MACROD2: variants seen among roughly 807,000 people sequenced by gnomAD.
The protein encoded by MACROD2 is mono-ADP ribosylhydrolase 2.
In MACROD2, 36 loss-of-function variants were observed where a neutral mutation model predicts 70.4. The ratio of observed to expected loss-of-function variants is 0.51; its 90% CI spans 0.39 to 0.68. The LOEUF (loss-of-function observed/expected upper bound fraction) is 0.68, where lower values mean the gene tolerates loss of function less well. Among genes scored for constraint, MACROD2 ranks in the 30% least tolerant of loss-of-function variants. The pLI, the probability that MACROD2 is intolerant of heterozygous loss-of-function variation, is 0.00. For missense variants in MACROD2, 496 were observed against 538.4 expected (o/e 0.92, Z 0.78); for synonymous variants, 172 against 178.8 (o/e 0.96, Z 0.30).
chr20:15,396,805 T>C (rs1324304486), intron 6 of MACROD2, among the ~76,000 whole-genome samples: 1 of 152,200 alleles, frequency 6.6e-6, no homozygotes, highest in African/African-American at 2.4e-5. Flanking sequence ...GACTTTGCTC[T>C]TTTATGCTCC....
chr20:14,238,860 C>G (rs1160425307), intron 3 of MACROD2, among the ~76,000 whole-genome samples: 1 of 151,848 alleles, frequency 6.6e-6, no homozygotes, highest in Non-Finnish European at 1.5e-5. Context: ...AACCTCGTCT[C>G]TAATAAAAAT....
At chr20:15,047,415 A>G (rs901514245) in intron 5 of MACROD2, among the ~76,000 whole-genome samples, 2 of 152,218 alleles carry the variant, frequency 1.3e-5, no homozygotes, top group Admixed American at 1.3e-4. Context: ...CAATGTAAGT[A>G]AGAATGAAAA....
intron 8 of MACROD2, among the ~76,000 whole-genome samples, chr20:15,780,462 G>A (rs532039084): frequency 1.1e-4 from 17 of 152,160 alleles, no homozygotes; most frequent in African/African-American, 1.7e-4. Context: ...AGTGGGGAAC[G>A]GGAAGAGGCC....
intron 15 of MACROD2, among the ~76,000 whole-genome samples, chr20:16,038,461 C>CTA (rs2067263530): frequency 6.6e-6 from 1 of 151,406 alleles, no homozygotes; most frequent in Non-Finnish European, 1.5e-5. Context: ...TTTTGGCTTA[C>CTA]TAATCACCTC....
chr20:14,098,673 CTG>C (rs949314696), intron 3 of MACROD2, among the ~76,000 whole-genome samples: 6 of 152,144 alleles, frequency 3.9e-5, no homozygotes, highest in Middle Eastern at 3.4e-3. Flanking sequence ...TTCAGTAAAA[CTG>C]AAATGAAATA....
At chr20:15,241,824 C>G (rs1204227200) in intron 6 of MACROD2, among the ~76,000 whole-genome samples, 1 of 148,486 alleles carries the variant, frequency 6.7e-6, no homozygotes, top group East Asian at 2.0e-4. Context: ...ATTCCTTGGG[C>G]TATTTGGCTA....
chr20:15,414,583 T>G (rs1391101261), intron 6 of MACROD2, among the ~76,000 whole-genome samples: 1 of 152,156 alleles, frequency 6.6e-6, no homozygotes, highest in African/African-American at 2.4e-5. Context: ...AGTTAGGTAT[T>G]TAAAAAGGGC....
chr20:14,333,846 C>A (rs1349315569), intron 3 of MACROD2, among the ~76,000 whole-genome samples: 2 of 152,186 alleles, frequency 1.3e-5, no homozygotes, highest in Non-Finnish European at 2.9e-5. Context: ...AACACATAAA[C>A]TGATCAATCC....
intron 9 of MACROD2, among the ~76,000 whole-genome samples, chr20:15,877,479 A>G (rs1348983842): frequency 6.6e-6 from 1 of 151,972 alleles, no homozygotes; most frequent in Non-Finnish European, 1.5e-5. Context: ...GAACAACAAA[A>G]TTTCTCCTGG....
At chr20:14,933,461 C>T (rs2074313910) in intron 5 of MACROD2, among the ~76,000 whole-genome samples, 1 of 151,976 alleles carries the variant, frequency 6.6e-6, no homozygotes, top group Non-Finnish European at 1.5e-5. Context: ...GGGTAGATCA[C>T]TTGAGTCCAA....
At chr20:15,899,527 C>A (rs1184499739) in intron 10 of MACROD2, among the ~76,000 whole-genome samples, 1 of 152,122 alleles carries the variant, frequency 6.6e-6, no homozygotes, top group African/African-American at 2.4e-5. Context: ...AAAACAAACA[C>A]ATATTTTCAT....
intron 3 of MACROD2, among the ~76,000 whole-genome samples, chr20:14,294,138 G>C (rs1259695348): frequency 6.6e-6 from 1 of 151,728 alleles, no homozygotes; most frequent in Non-Finnish European, 1.5e-5. Context: ...TTTTATGTAT[G>C]TAAGTCCTCA....
intron 5 of MACROD2, among the ~76,000 whole-genome samples, chr20:14,747,070 C>T (rs1348764456): frequency 6.6e-6 from 1 of 152,184 alleles, no homozygotes. Flanking sequence ...TATGTCCAGT[C>T]CTCATGCTGC....
chr20:15,293,220 C>T (rs1389258518), intron 6 of MACROD2, among the ~76,000 whole-genome samples: 1 of 152,198 alleles, frequency 6.6e-6, no homozygotes, highest in African/African-American at 2.4e-5. Context: ...ATACGTATTC[C>T]TAGACTCTAT....
At chr20:14,100,716 A>ATG (rs1295742404) in intron 3 of MACROD2, among the ~76,000 whole-genome samples, 10 of 9,018 alleles carry the variant, frequency 1.1e-3, no homozygotes, top group Non-Finnish European at 5.3e-3. Context: ...TAGTATATAT[A>ATG]CATTTATATA....
At chr20:15,481,158 T>A (rs1454730132) in intron 7 of MACROD2, among the ~76,000 whole-genome samples, 1 of 152,228 alleles carries the variant, frequency 6.6e-6, no homozygotes, top group East Asian at 1.9e-4. Flanking sequence ...TTCGCTAGCA[T>A]GCTATTCAAA....
intron 8 of MACROD2, among the ~76,000 whole-genome samples, chr20:15,721,700 C>G (rs549904559): frequency 1.3e-5 from 2 of 151,936 alleles, no homozygotes; most frequent in African/African-American, 4.8e-5. Flanking sequence ...CTGATTTATA[C>G]CCTCACAGTG....
intron 8 of MACROD2, among the ~76,000 whole-genome samples, chr20:15,819,180 G>A (rs1031964575): frequency 8.8e-5 from 11 of 124,486 alleles, no homozygotes; most frequent in Admixed American, 4.0e-4. Flanking sequence ...CAAAGAAAAT[G>A]TGGTGTAAAT....
At chr20:14,833,331 T>A (rs2072992734) in intron 5 of MACROD2, among the ~76,000 whole-genome samples, 1 of 151,830 alleles carries the variant, frequency 6.6e-6, no homozygotes, top group African/African-American at 2.4e-5. Flanking sequence ...GAAGAAAAAA[T>A]TGAGAGAATC....
Sources: gnomAD v4.1 joint callset for allele counts (sites outside exome capture counted in the v4.1 genomes callset) on GRCh38, gnomAD v4.1.1 for gene constraint, MANE v1.5 for transcripts, NCBI Gene and HGNC (gene_info 2026-07-23, HGNC 2026-07-21) for gene names.